Variants in ACYP2 observed in about 807,000 individuals in gnomAD.
ACYP2 encodes the protein acylphosphatase 2, also known as acylphosphatase-2.
ACYP2 carries 12 observed loss-of-function variants against 11.2 expected under a neutral mutation model. The ratio of observed to expected loss-of-function variants is 1.08; its 90% CI spans 0.69 to 1.74. ACYP2 has a LOEUF of 1.74. Ranked by LOEUF, ACYP2 falls within the 40% of genes most tolerant of loss-of-function variation. The pLI, the probability that ACYP2 is intolerant of heterozygous loss-of-function variation, is 0.00. For missense variants in ACYP2, 134 were observed against 101.9 expected, an observed-to-expected ratio of 1.31 and a Z score of -1.35; for synonymous variants, 43 against 32.2, an observed-to-expected ratio of 1.33 and a Z score of -1.13.
At chr2:54,099,302 ACT>A (rs929196139) in intron 4 of ACYP2, among the ~76,000 whole-genome samples, 8 of 152,072 alleles carry the variant, frequency 5.3e-5, no homozygotes, top group Admixed American at 3.9e-4. Context: ...CTTCGAATCT[ACT>A]CTCTTAGCAA....
Position 54,198,905 on chromosome 2 carries a change from C to T in ACYP2, c.404+60157C>T, listed in dbSNP as rs539678854. On this transcript the variant is annotated intron_variant, in intron 6 of 6. Coordinates refer to ENST00000607452, the MANE Select transcript of ACYP2 (RefSeq NM_001320586.2). ...CACTTCTCGTTCCGTGCCCATTCTA[C>T]CAACACTCTCTCCCCTCAGCTTCCT... Among the ~76,000 whole-genome samples, 5 of 152,288 alleles carry T rather than the reference C, an allele frequency of 3.3e-5. No homozygotes were observed. In the South Asian group the frequency reaches 1.0e-3, roughly 32 times the overall value.
Position 54,239,936 on chromosome 2 carries a change from G to A in ACYP2, c.405-64752G>A, listed in dbSNP as rs901970873. Among the ~76,000 whole-genome samples, 28 of 152,134 alleles carry A rather than the reference G, an allele frequency of 1.8e-4. 1 individual carries two copies. The highest frequency in any genetic ancestry group is 4.4e-5 in the Non-Finnish European group (3 of 68,008). ...TAAAATTCTTCTGAGAAGTACTTTA[G>A]AAGTAATCCCTAAATTTAAAGTATT... On this transcript the variant is annotated intron_variant, in intron 6 of 6. Coordinates refer to ENST00000607452, the MANE Select transcript of ACYP2 (RefSeq NM_001320586.2).
chr2:54,212,436 G>A (rs1685366918), intron 6 of ACYP2, among the ~76,000 whole-genome samples: 1 of 152,100 alleles, frequency 6.6e-6, no homozygotes, highest in African/African-American at 2.4e-5. Context: ...TCCCTGCACG[G>A]CTGACTGAGA....
Position 53,973,795 on chromosome 2 carries a change from G to A in ACYP2, c.47G>A (p.Arg16His), listed in dbSNP as rs1370989724. The A allele has an allele frequency of 6.1e-6, 2 of 329,444 alleles. No individual in the cohort carries two copies. Among genetic ancestry groups the A allele is most frequent in the Non-Finnish European group, 1.1e-5 (2 of 182,328 alleles). 20.4% of individuals were successfully genotyped at this position (329,444 alleles called of 1,614,324 possible). Residue 16 changes from arginine to histidine, a missense_variant, in exon 2 of 7, where the codon CGC becomes CAC. Arg to His is a conservative substitution (Grantham distance 29). Transcript: ENST00000607452. ...TTTGGTGGTCTCTTCCCACGGACGC[G>A]CGAGACAATGAGGAGGTACTTGGAA...
intron 6 of ACYP2, among the ~76,000 whole-genome samples, chr2:54,270,650 A>G (rs147127354): frequency 1.3e-5 from 2 of 152,348 alleles, no homozygotes; most frequent in East Asian, 1.9e-4. Context: ...AATACAATGA[A>G]TAAAATGTAA....
At chr2:54,005,787 C>T (rs976837786) in intron 2 of ACYP2, among the ~76,000 whole-genome samples, 1 of 152,192 alleles carries the variant, frequency 6.6e-6, no homozygotes, top group African/African-American at 2.4e-5. Flanking sequence ...CCTTCTCCTT[C>T]AATATTGTGT....
intron 2 of ACYP2, among the ~76,000 whole-genome samples, chr2:54,037,235 C>A (rs1674950810): frequency 6.6e-6 from 1 of 152,034 alleles, no homozygotes; most frequent in African/African-American, 2.4e-5. Flanking sequence ...GCCTCGGCCT[C>A]CCAAATACCT....
intron 4 of ACYP2, among the ~76,000 whole-genome samples, chr2:54,079,568 A>C (rs1677533295): frequency 6.6e-6 from 1 of 152,196 alleles, no homozygotes; most frequent in Non-Finnish European, 1.5e-5. Context: ...TCAAAAAGGC[A>C]GCATTAGGGT....
intron 6 of ACYP2, among the ~76,000 whole-genome samples, chr2:54,304,079 G>A (rs965753295): frequency 6.6e-6 from 1 of 152,072 alleles, no homozygotes; most frequent in Admixed American, 6.5e-5. Flanking sequence ...GTCCTTTAAT[G>A]CAATCACTTT....
At chr2:54,290,257 CCA>C (rs1023567651) in intron 6 of ACYP2, among the ~76,000 whole-genome samples, 12 of 152,030 alleles carry the variant, frequency 7.9e-5, no homozygotes, top group African/African-American at 2.7e-4. Flanking sequence ...GAGTCCACGG[CCA>C]CAGAGACTGG....
chr2:53,984,438 G>A (rs1671917945), intron 2 of ACYP2, among the ~76,000 whole-genome samples: 1 of 151,860 alleles, frequency 6.6e-6, no homozygotes, highest in African/African-American at 2.4e-5. Context: ...TTAGCTGGGT[G>A]TGGTGGTGCA....
chr2:54,009,656 G>A (rs552285695), intron 2 of ACYP2, among the ~76,000 whole-genome samples: 4 of 152,190 alleles, frequency 2.6e-5, no homozygotes, highest in African/African-American at 7.2e-5. Flanking sequence ...AGAAATCAAG[G>A]CATGAAGTAA....
At chr2:54,155,189 T>G (rs531615816) in intron 6 of ACYP2, among the ~76,000 whole-genome samples, 55 of 152,240 alleles carry the variant, frequency 3.6e-4, no homozygotes, top group African/African-American at 8.4e-4. Context: ...CACTTTTTTT[T>G]CTAGGTTAAC....
intron 5 of ACYP2, among the ~76,000 whole-genome samples, chr2:54,138,042 A>T (rs981062782): frequency 1.3e-5 from 2 of 152,150 alleles, no homozygotes; most frequent in African/African-American, 4.8e-5. Context: ...GGTGATATTG[A>T]GCATTTTTTC....
In ACYP2 at chr2:54,226,515, GCTGTAAATGTACTTT is replaced by G. The variant is rs1225142588; in HGVS notation, c.405-78168_405-78154del. On this transcript the variant is annotated intron_variant, in intron 6 of 6. Transcript: ENST00000607452. ...AAGAAAGAAGTGTTAATGTTAAGCA[GCTGTAAATGTACTTT>G]CTGTGATCTACTCCTGCAAAGTAAC... Among the ~76,000 whole-genome samples, 6 of 152,326 alleles carry G rather than the reference GCTGTAAATGTACTTT, an allele frequency of 3.9e-5. No homozygotes were observed. The East Asian group carries it at 1.2e-3, about 29-fold the overall frequency.
chr2:54,054,088 G>A (rs1178813265), intron 3 of ACYP2, among the ~76,000 whole-genome samples: 1 of 152,182 alleles, frequency 6.6e-6, no homozygotes. Context: ...TTCAAGTACA[G>A]TTTCGAGATA....
At chr2:54,214,642 G>C (rs1685484109) in intron 6 of ACYP2, among the ~76,000 whole-genome samples, 1 of 152,164 alleles carries the variant, frequency 6.6e-6, no homozygotes, top group Non-Finnish European at 1.5e-5. Context: ...GGTTACTGTA[G>C]CCTTGTAGTG....
At chr2:54,194,526 TTTTTC>T (rs1430726342) in intron 6 of ACYP2, among the ~76,000 whole-genome samples, 2 of 152,174 alleles carry the variant, frequency 1.3e-5, no homozygotes, top group Admixed American at 6.5e-5. Context: ...TCATTGATTA[TTTTTC>T]TTTTATCAGG....
intron 2 of ACYP2, among the ~76,000 whole-genome samples, chr2:53,975,784 A>T (rs2104505769): frequency 6.6e-6 from 1 of 152,252 alleles, no homozygotes; most frequent in Non-Finnish European, 1.5e-5. Flanking sequence ...GTGAGCCAAG[A>T]TCGCGCCACT....
Sources: allele counts gnomAD v4.1 joint callset (sites outside exome capture counted in the v4.1 genomes callset), GRCh38; gene constraint gnomAD v4.1.1; transcripts MANE v1.5; gene names NCBI Gene and HGNC (gene_info 2026-07-23, HGNC 2026-07-21).